Variants in CHGA observed in about 807,000 individuals in gnomAD.
CHGA encodes chromogranin-A.
In CHGA, 41 loss-of-function variants were observed where a neutral mutation model predicts 54.4. The ratio of observed to expected loss-of-function variants is 0.75; its 90% CI spans 0.59 to 0.98. The LOEUF (loss-of-function observed/expected upper bound fraction) is 0.98, where lower values mean the gene tolerates loss of function less well. Among genes scored for constraint, CHGA ranks in the 50% least tolerant of loss-of-function variants. The pLI is 0.00. For missense variants in CHGA, 576 were observed against 582.3 expected, an observed-to-expected ratio of 0.99 and a Z score of 0.11; for synonymous variants, 249 against 232.8, an observed-to-expected ratio of 1.07 and a Z score of -0.63.
Position 92,932,690 on chromosome 14 carries a change from C to T in CHGA, c.1129C>T (p.Arg377Trp), listed in dbSNP as rs760519283. Residue 377 changes from arginine to tryptophan, a missense_variant, in exon 7 of 8, where the codon CGG becomes TGG. Physicochemically the swap from Arg to Trp is moderately radical, Grantham distance 101. Transcript: ENST00000216492. The surrounding 1 kb of genome is among the most constrained non-coding windows in gnomAD (Gnocchi z 5.3). The part of the protein sequence containing the change: ...NRDSSMKLSF[R>W]ARAYGFRGPG... ...GGACAGTTCCATGAAGCTCTCCTTC[C>T]GGGCCCGGGCCTACGGCTTCAGGGG... The T allele has an allele frequency of 6.1e-5, 99 of 1,610,158 alleles. No individual in the cohort carries two copies. The Middle Eastern group carries it at 1.8e-3, about 30-fold the overall frequency.
intron 2 of CHGA, chr14:92,926,071 G>A (rs1886880421): frequency 6.5e-6 from 1 of 154,258 alleles, no homozygotes; most frequent in African/African-American, 2.4e-5. Flanking sequence ...AGAATATGAA[G>A]CTGTGACTCC....
At chr14:92,926,437 T>G in intron 2 of CHGA, 168 bp from the exon 3 acceptor site, 2 of 622,566 alleles carry the variant, frequency 3.2e-6, no homozygotes, top group Non-Finnish European at 5.8e-6. Context: ...ATCATTGCTA[T>G]CACTGTCTGG....
intron 4 of CHGA, 89 bp from the exon 5 acceptor site, chr14:92,929,628 A>T: frequency 8.8e-7 from 1 of 1,141,020 alleles, no homozygotes. Context: ...TGCCCAGCTT[A>T]CAGATGGGGA....
In CHGA at chr14:92,929,830, G is replaced by A. The variant is rs746279171; in HGVS notation, c.355+15G>A. On this transcript the variant is annotated intron_variant, in intron 5 of 7. Coordinates refer to ENST00000216492, the MANE Select transcript of CHGA (RefSeq NM_001275.4). ...CGAGCTGAAAGGTCTGTCCCAGCCG[G>A]TCTGGCCGGAGGTGGGGAAGGGAGG... is the stretch of plus-strand genomic sequence containing the variant. 5.0e-6 allele frequency: 8 copies of A among 1,608,490 alleles called. No individual in the cohort carries two copies. Among genetic ancestry groups the A allele is most frequent in the Non-Finnish European group, 6.8e-6 (8 of 1,177,964 alleles).
At chr14:92,925,869 A>C (rs1347902553) in intron 2 of CHGA, among the ~76,000 whole-genome samples, 2 of 152,204 alleles carry the variant, frequency 1.3e-5, no homozygotes, top group Non-Finnish European at 2.9e-5. Context: ...CTAGGATACC[A>C]CATTACGGTG....
chr14:92,933,205 A>G, intron 7 of CHGA: 1 of 202,858 alleles, frequency 4.9e-6, no homozygotes, highest in Non-Finnish European at 1.0e-5. Context: ...GCCTCCTCCC[A>G]GGCTCAGGCC....
intron 4 of CHGA, 94 bp downstream of exon 4, chr14:92,927,712 C>T (rs1222526881): frequency 1.0e-6 from 1 of 964,712 alleles, no homozygotes; most frequent in Non-Finnish European, 1.6e-6. Flanking sequence ...CTCTCTGGGA[C>T]TGTCATTTCC....
At position 92,929,738 on chromosome 14, in the gene CHGA, A is replaced by C; in HGVS notation, c.278A>C (p.Gln93Pro). Residue 93 changes from glutamine (Q) to proline (P), a missense_variant, in exon 5 of 8, where the codon CAG becomes CCG. Transcript: ENST00000216492. ...CCAGGCGCCAAGGAGAGGGCACATC[A>C]GCAGAAGAAACACAGCGGTTTTGAA... ...ALQGAKERAHQQKKHSGFEDE... is the reference protein window; with the variant it reads ...ALQGAKERAHPQKKHSGFEDE... 2 of 1,613,990 alleles carry C rather than the reference A, an allele frequency of 1.2e-6. No homozygotes were observed. The highest frequency in any genetic ancestry group is 2.7e-5 in the African/African-American group (2 of 75,052).
rs144847677 is a variant in CHGA, at chr14:92,932,174, C to T, written c.809-196C>T. 618 of 665,454 alleles carry T rather than the reference C, an allele frequency of 9.3e-4. 4 individuals are homozygous for T. The highest frequency in any genetic ancestry group is 9.2e-3 in the African/African-American group (510 of 55,208). The allele number at this position is 665,454 out of a possible 1,614,324, so 41.2% of individuals were successfully genotyped here. A position where few individuals can be genotyped will look rare whatever the true frequency, so the allele number is the denominator to read the frequency against. ...CTGGGGTGAGGATGAGGGGAAGAGG[C>T]AGGCTCCAGCTAACCCACCCCTCTG... is the stretch of plus-strand genomic sequence containing the variant. On this transcript the variant is annotated intron_variant, in intron 6 of 7. Coordinates refer to ENST00000216492, the MANE Select transcript of CHGA (RefSeq NM_001275.4). This position sits in a 1 kb window ranked among gnomAD's most constrained non-coding sequence, Gnocchi z 5.3.
intron 2 of CHGA, 124 bp downstream of exon 2, chr14:92,924,369 T>C (rs963976940): frequency 3.2e-5 from 29 of 893,112 alleles, no homozygotes; most frequent in Non-Finnish European, 4.7e-5. Flanking sequence ...CTGCTGAGCC[T>C]GGGGACAGCT....
At chr14:92,934,464 G>A (rs1038702253) in intron 7 of CHGA, among the ~76,000 whole-genome samples, 8 of 152,206 alleles carry the variant, frequency 5.3e-5, no homozygotes, top group African/African-American at 1.9e-4. Context: ...GCCGAGGGAA[G>A]GGGGCTCTTC....
At chr14:92,926,389 C>T (rs1886886224) in intron 2 of CHGA, 3 of 560,200 alleles carry the variant, frequency 5.4e-6, no homozygotes, top group Admixed American at 3.0e-5. Context: ...GTTGGAGTGG[C>T]TGACACATGG....
At position 92,934,932 on chromosome 14, in the gene CHGA, C is replaced by G. The variant is rs1205674365; in HGVS notation, c.*48C>G. The G allele has an allele frequency of 6.8e-7, 1 of 1,478,566 alleles. No homozygotes were observed. The highest frequency in any genetic ancestry group is 9.1e-7 in the Non-Finnish European group (1 of 1,100,274). 91.6% of individuals were successfully genotyped at this position (1,478,566 alleles called of 1,614,324 possible). ...CCCAGGGCACCCTGTGGCCCTGGCTCTGCTGTCCCCTTGGCAGGTCCTGGC... is the reference window on the plus strand; with the variant it reads ...CCCAGGGCACCCTGTGGCCCTGGCTGTGCTGTCCCCTTGGCAGGTCCTGGC... On this transcript the variant is annotated 3_prime_UTR_variant, in exon 8 of 8. Coordinates refer to ENST00000216492, the MANE Select transcript of CHGA (RefSeq NM_001275.4).
chr14:92,923,352 G>T lies in CHGA; in HGVS notation c.-8G>T. 7.6e-7 allele frequency: 1 copy of T among 1,321,580 alleles called. No homozygotes were observed. The highest frequency in any genetic ancestry group is 9.6e-7 in the Non-Finnish European group (1 of 1,038,892). 81.9% of individuals were successfully genotyped at this position (1,321,580 alleles called of 1,614,324 possible). A position where few individuals can be genotyped will look rare whatever the true frequency, so the allele number is the denominator to read the frequency against. On this transcript the variant is annotated 5_prime_UTR_variant, in exon 1 of 8. Transcript: ENST00000216492. ...CACACCGCCAGCTGCTCGGCGCCCG[G>T]GTCCGCCATGCGCTCCGCCGCTGTC...
intron 1 of CHGA, 68 bp downstream of exon 1, chr14:92,923,473 C>T (rs1253143935): frequency 2.5e-6 from 3 of 1,200,952 alleles, no homozygotes; most frequent in Non-Finnish European, 3.1e-6. Flanking sequence ...GGTCCGGGCA[C>T]CGCGCGGCGC....
chr14:92,924,501 T>C (rs920513489), intron 2 of CHGA, among the ~76,000 whole-genome samples: 4 of 152,218 alleles, frequency 2.6e-5, no homozygotes, highest in Non-Finnish European at 5.9e-5. Context: ...TGGGCCGAGG[T>C]GCCTGGCTTC....
In CHGA at chr14:92,932,956, C is replaced by A. The variant is rs376195304; in HGVS notation, c.1290+105C>A. 12 of 1,416,580 alleles carry A rather than the reference C, an allele frequency of 8.5e-6. No homozygotes were observed. The highest frequency in any genetic ancestry group is 1.0e-5 in the Non-Finnish European group (11 of 1,077,406). The allele number at this position is 1,416,580 out of a possible 1,614,324, so 87.8% of individuals were successfully genotyped here. ...CCCCACTGAGGGGACAGGGCCCCCCCGCCGAAGTCTGGGGATGGAGAGATG... is the reference window on the plus strand; with the variant it reads ...CCCCACTGAGGGGACAGGGCCCCCCAGCCGAAGTCTGGGGATGGAGAGATG... On this transcript the variant is annotated intron_variant, in intron 7 of 7. Coordinates refer to ENST00000216492, the MANE Select transcript of CHGA (RefSeq NM_001275.4). The surrounding 1 kb of genome is among the most constrained non-coding windows in gnomAD (Gnocchi z 5.3).
Position 92,931,246 on chromosome 14 carries a change from G to C in CHGA, c.356-4G>C, listed in dbSNP as rs780620616. On this transcript the variant is annotated splice_polypyrimidine_tract_variant and splice_region_variant and intron_variant, in intron 5 of 7. Transcript: ENST00000216492. ...GGCCTGACTTGGCTGTGCTGTGTCT[G>C]CAGAGGCGGTGGAAGAGCCATCATC... 1 of 1,605,256 alleles carries C rather than the reference G, an allele frequency of 6.2e-7. No individual in the cohort carries two copies.
chr14:92,923,421 G>C lies in CHGA; in HGVS notation c.46+16G>C. 1 of 1,258,350 alleles carries C rather than the reference G, an allele frequency of 7.9e-7. No homozygotes were observed. Among genetic ancestry groups the C allele is most frequent in the Non-Finnish European group, 1.0e-6 (1 of 1,002,220 alleles). The allele number at this position is 1,258,350 out of a possible 1,614,324, so 77.9% of individuals were successfully genotyped here. A position where few individuals can be genotyped will look rare whatever the true frequency, so the allele number is the denominator to read the frequency against. On this transcript the variant is annotated intron_variant, in intron 1 of 7. Coordinates refer to ENST00000216492, the MANE Select transcript of CHGA (RefSeq NM_001275.4). ...GCCGGGCAAGGTGAGCGAGCGCGGG[G>C]AGCTCGCGGGAGAGGGTTCCGGGCG...
Sources: allele counts gnomAD v4.1 joint callset (sites outside exome capture counted in the v4.1 genomes callset), GRCh38; gene constraint gnomAD v4.1.1; non-coding constraint Gnocchi (gnomAD v3.1); transcripts MANE v1.5; gene names NCBI Gene and HGNC (gene_info 2026-07-23, HGNC 2026-07-21).